The following PATJ variants were observed in gnomAD, a reference collection of about 807,000 sequenced individuals.
The protein encoded by PATJ is inaD-like protein.
In PATJ, 190 loss-of-function variants were observed where a neutral mutation model predicts 224.9. The observed-to-expected ratio is 0.84, with a 90% CI of 0.75 to 0.95. The LOEUF (loss-of-function observed/expected upper bound fraction) is 0.95. Ranked by LOEUF, PATJ falls within the 40% of genes least tolerant of loss-of-function variation. The probability of loss-of-function intolerance (pLI) is 0.00; values close to 1 mark genes in which losing one functional copy is unlikely to be tolerated. For missense variants in PATJ, 2,121 were observed against 2,270.3 expected, an observed-to-expected ratio of 0.93 and a Z score of 1.34; for synonymous variants, 769 against 820.3, an observed-to-expected ratio of 0.94 and a Z score of 1.07.
At chr1:61,847,750 T>G (rs1662192773) in intron 17 of PATJ, among the ~76,000 whole-genome samples, 3 of 152,222 alleles carry the variant, frequency 2.0e-5, no homozygotes, top group Admixed American at 1.3e-4. Flanking sequence ...ATTGGTCAAA[T>G]CAGAAGACAG....
At chr1:62,149,528 A>T (rs984794906) in intron 42 of PATJ, among the ~76,000 whole-genome samples, 1 of 152,116 alleles carries the variant, frequency 6.6e-6, no homozygotes, top group Non-Finnish European at 1.5e-5. Flanking sequence ...TTCTCATTAT[A>T]AAAGTTAATA....
intron 43 of PATJ, among the ~76,000 whole-genome samples, 168 bp downstream of exon 43, chr1:62,153,649 T>C (rs962129603): frequency 2.6e-5 from 4 of 151,992 alleles, no homozygotes; most frequent in African/African-American, 9.7e-5. Context: ...GGGAGAAGAG[T>C]TCTTTTACAA....
chr1:61,946,969 C>T (rs1402683857), intron 27 of PATJ, among the ~76,000 whole-genome samples: 1 of 152,154 alleles, frequency 6.6e-6, no homozygotes, highest in Non-Finnish European at 1.5e-5. Flanking sequence ...ACAAAAACCA[C>T]ATGATTATCT....
At chr1:61,751,140 T>C (rs1372602074) in intron 1 of PATJ, among the ~76,000 whole-genome samples, 1 of 152,036 alleles carries the variant, frequency 6.6e-6, no homozygotes, top group East Asian at 1.9e-4. Flanking sequence ...TAGCTGGGAT[T>C]ACAGGTGTGC....
At chr1:61,891,832 A>G (rs1231290236) in intron 22 of PATJ, among the ~76,000 whole-genome samples, 1 of 152,194 alleles carries the variant, frequency 6.6e-6, no homozygotes, top group East Asian at 1.9e-4. Flanking sequence ...TTCATGTAAT[A>G]TACACTCCAA....
chr1:62,043,377 T>C (rs899478317), intron 30 of PATJ, among the ~76,000 whole-genome samples: 1 of 152,246 alleles, frequency 6.6e-6, no homozygotes, highest in Admixed American at 6.5e-5. Flanking sequence ...ATCAGTGTTC[T>C]ACCATTTACT....
At chr1:61,978,637 A>G (rs1363054883) in intron 27 of PATJ, among the ~76,000 whole-genome samples, 1 of 152,114 alleles carries the variant, frequency 6.6e-6, no homozygotes, top group East Asian at 1.9e-4. Context: ...GTACTAACTC[A>G]GAGAATTAGA....
At chr1:61,974,405 C>CTT (rs149825131) in intron 27 of PATJ, among the ~76,000 whole-genome samples, 693 of 64,260 alleles carry the variant, frequency 0.011, no homozygotes, top group Non-Finnish European at 0.014. Context: ...CTCTCTCTCT[C>CTT]TTTTTTTTTT....
rs1663621844 is a variant in PATJ at position 61,856,128 on chromosome 1, G to C, written c.2211G>C (p.Leu737=). 6.2e-7 allele frequency: 1 copy of C among 1,613,838 alleles called. No individual in the cohort carries two copies. The highest frequency in any genetic ancestry group is 8.5e-7 in the Non-Finnish European group (1 of 1,179,834). Residue 737 remains leucine, a synonymous_variant, in exon 18 of 44, where the codon CTG becomes CTC. Transcript: ENST00000642238. ...RSGGLLPGDR[L]VSVNEYCLDN... Reference sequence around the variant, plus strand: ...GGGGACTATTACCTGGAGACCGCCTGGTCTCAGTCAATGAATACTGTTTGG... The same window carrying C: ...GGGGACTATTACCTGGAGACCGCCTCGTCTCAGTCAATGAATACTGTTTGG...
chr1:62,031,161 T>C (rs981725945), intron 29 of PATJ, among the ~76,000 whole-genome samples: 7 of 152,202 alleles, frequency 4.6e-5, no homozygotes, highest in Admixed American at 3.9e-4. Context: ...CTGTTCACCG[T>C]GGTCATTCAC....
intron 22 of PATJ, 26 bp from the exon 23 acceptor site, chr1:61,899,557 G>A (rs1166080523): frequency 2.6e-6 from 4 of 1,538,798 alleles, no homozygotes; most frequent in Non-Finnish European, 2.7e-6. Flanking sequence ...AAAATTGTGT[G>A]TATTTTTTTC....
intron 27 of PATJ, among the ~76,000 whole-genome samples, chr1:61,954,847 G>A (rs974902086): frequency 1.1e-4 from 16 of 149,718 alleles, no homozygotes; most frequent in Non-Finnish European, 1.6e-4. Flanking sequence ...TTCTCCTCCC[G>A]GGTTCACAGC....
intron 21 of PATJ, 93 bp downstream of exon 21, chr1:61,875,459 T>C: frequency 1.0e-6 from 1 of 994,818 alleles, no homozygotes; most frequent in Non-Finnish European, 1.5e-6. Flanking sequence ...CGTCATATTT[T>C]TATTCATTAT....
At chr1:62,151,685 TC>T (rs1668654881) in intron 42 of PATJ, among the ~76,000 whole-genome samples, 1 of 152,216 alleles carries the variant, frequency 6.6e-6, no homozygotes, top group South Asian at 2.1e-4. Context: ...ATTGCTTGTG[TC>T]CCCATTTTGC....
rs570632132 is a variant in PATJ at position 62,043,689 on chromosome 1, T to A, written c.4032+5640T>A. 2.0e-5 allele frequency among the ~76,000 whole-genome samples: 3 copies of A among 151,696 alleles called. No individual in the cohort carries two copies. The South Asian group carries it at 6.3e-4, about 32-fold the overall frequency. On this transcript the variant is annotated intron_variant, in intron 30 of 43. Coordinates refer to ENST00000642238, the MANE Select transcript of PATJ (RefSeq NM_001350145.3). ...TGATAAAAATTGTATATATTTATCA[T>A]ATACAACATGATGGGTTTTTTTGTT...
intron 1 of PATJ, among the ~76,000 whole-genome samples, chr1:61,759,801 TTTTTCTTTCAGA>T (rs1222934626): frequency 4.6e-5 from 7 of 152,180 alleles, no homozygotes; most frequent in Non-Finnish European, 1.0e-4. Context: ...CCTTTGCCAG[TTTTTCTTTCAGA>T]GTGACACTCA....
intron 31 of PATJ, among the ~76,000 whole-genome samples, chr1:62,057,838 C>T (rs1654801346): frequency 6.6e-6 from 1 of 152,154 alleles, no homozygotes; most frequent in African/African-American, 2.4e-5. Context: ...AAAGCTTGGC[C>T]AGGAGCCCAA....
chr1:62,123,158 T>A (rs1208833700), intron 39 of PATJ, 100 bp downstream of exon 39: 4 of 800,790 alleles, frequency 5.0e-6, no homozygotes, highest in Non-Finnish European at 8.3e-6. Flanking sequence ...GTGAGTGTGC[T>A]CTTTCAAGTT....
At chr1:61,907,191 A>G (rs1038734911) in intron 24 of PATJ, among the ~76,000 whole-genome samples, 1 of 152,160 alleles carries the variant, frequency 6.6e-6, no homozygotes, top group African/African-American at 2.4e-5. Context: ...TCTTTCCTTT[A>G]TAAATTACCT....
Sources: gnomAD v4.1 joint callset for allele counts (sites outside exome capture counted in the v4.1 genomes callset) on GRCh38, gnomAD v4.1.1 for gene constraint, MANE v1.5 for transcripts, NCBI Gene and HGNC (gene_info 2026-07-23, HGNC 2026-07-21) for gene names.